Variants in JMY observed in about 807,000 individuals in gnomAD.
JMY encodes the protein junction-mediating and -regulatory protein.
A neutral mutation model predicts 103.3 loss-of-function variants in JMY; 46 were observed. That is an observed-to-expected ratio of 0.45 (90% CI 0.35 to 0.57). JMY has a LOEUF of 0.57. Among genes scored for constraint, JMY ranks in the 20% least tolerant of loss-of-function variants. The probability of loss-of-function intolerance (pLI) is 0.00; values close to 1 mark genes in which losing one functional copy is unlikely to be tolerated. For missense variants in JMY, 1,238 were observed against 1,255.2 expected (o/e 0.99, Z 0.21); for synonymous variants, 526 against 489.3 (o/e 1.07, Z -0.99).
chr5:79,241,062 A>G (rs1387525444), intron 1 of JMY, among the ~76,000 whole-genome samples: 1 of 152,006 alleles, frequency 6.6e-6, no homozygotes, highest in Non-Finnish European at 1.5e-5. Flanking sequence ...CTATGAATCT[A>G]TTTTTTGGTC....
At position 79,325,465 on chromosome 5, in the gene JMY, G is replaced by A. The variant is rs917207106; in HGVS notation, c.*3863G>A. ...AAACCTTAAGTTTTACCTAATTATT[G>A]CACTAAATGTAAATGATAACATAAA... On this transcript the variant is annotated 3_prime_UTR_variant, in exon 11 of 11. Coordinates refer to ENST00000396137, the MANE Select transcript of JMY (RefSeq NM_152405.5). The A allele has an allele frequency of 1.3e-5, 2 of 152,074 alleles. No homozygotes were observed. The highest frequency in any genetic ancestry group is 2.9e-5 in the Non-Finnish European group (2 of 67,992). The allele number at this position is 152,074 out of a possible 1,614,324, so 9.4% of individuals were successfully genotyped here.
intron 1 of JMY, among the ~76,000 whole-genome samples, chr5:79,245,815 G>A (rs958452798): frequency 6.6e-6 from 1 of 152,112 alleles, no homozygotes; most frequent in Admixed American, 6.5e-5. Flanking sequence ...TAATAGAGAC[G>A]GGTTTTCACT....
chr5:79,309,546 G>C (rs1746984552), intron 7 of JMY, among the ~76,000 whole-genome samples: 1 of 152,048 alleles, frequency 6.6e-6, no homozygotes. Flanking sequence ...ATGCCAACAT[G>C]ACCATATCTC....
rs765777711 is a variant in JMY, at chr5:79,300,192, T to C, written c.1567T>C (p.Leu523=). ...LRGGTEAIAR[L]DQLEADYYDL... ...GGGTGGTACAGAAGCGATAGCACGA[T>C]TGGATCAGTTAGAAGCTGATTATTA... Residue 523 remains leucine (L), a synonymous_variant, in exon 5 of 11, where the codon TTG becomes CTG. Transcript: ENST00000396137. The C allele has an allele frequency of 3.7e-6, 6 of 1,613,284 alleles. No homozygotes were observed. In the East Asian group the frequency reaches 6.7e-5, roughly 18 times the overall value.
chr5:79,262,072 G>A (rs1745440862), intron 1 of JMY, among the ~76,000 whole-genome samples: 1 of 152,208 alleles, frequency 6.6e-6, no homozygotes, highest in South Asian at 2.1e-4. Context: ...GAATCCTGCT[G>A]TGGCCGTTTT....
intron 10 of JMY, among the ~76,000 whole-genome samples, chr5:79,318,578 C>G (rs891887236): frequency 8.5e-5 from 13 of 152,068 alleles, no homozygotes; most frequent in Non-Finnish European, 1.0e-4. Flanking sequence ...ATATTACATT[C>G]ACCATGATTC....
At chr5:79,321,265 T>C (rs186140948) in intron 10 of JMY, among the ~76,000 whole-genome samples, 2 of 152,340 alleles carry the variant, frequency 1.3e-5, no homozygotes, top group Admixed American at 1.3e-4. Context: ...TAAATGTTAG[T>C]CTAACAAAAA....
intron 1 of JMY, among the ~76,000 whole-genome samples, chr5:79,251,787 A>G (rs1476377329): frequency 6.7e-6 from 1 of 149,278 alleles, no homozygotes; most frequent in South Asian, 2.1e-4. Flanking sequence ...TTATTTATTT[A>G]TTTTTTGAGA....
chr5:79,282,468 AAGTT>A (rs985973513), intron 2 of JMY, among the ~76,000 whole-genome samples: 165 of 152,326 alleles, frequency 1.1e-3, no homozygotes, highest in Middle Eastern at 3.4e-3. Flanking sequence ...TTTTTAAAAA[AAGTT>A]AAATGTGAAG....
rs1747542991 is a variant in JMY, at chr5:79,323,870, A to C, written c.*2268A>C. 6.6e-6 allele frequency: 1 copy of C among 152,142 alleles called. No individual in the cohort carries two copies. Among genetic ancestry groups the C allele is most frequent in the Non-Finnish European group, 1.5e-5 (1 of 68,032 alleles). The allele number at this position is 152,142 out of a possible 1,614,324, so 9.4% of individuals were successfully genotyped here. A position where few individuals can be genotyped will look rare whatever the true frequency, so the allele number is the denominator to read the frequency against. The stretch of plus-strand genomic sequence containing the variant: ...TGTAGAACTCCACTCAGCCTCATGG[A>C]TACATCTACAAGTCTCTCAACCCAT... On this transcript the variant is annotated 3_prime_UTR_variant, in exon 11 of 11. Transcript: ENST00000396137.
rs558859374 is a variant in JMY at position 79,268,775 on chromosome 5, A to G, written c.1033-9135A>G. ...AGTGCTGGGATTACAGGCGTGAGCC[A>G]CCGCGCCCGGTGAGCATCTTTTCAC... On this transcript the variant is annotated intron_variant, in intron 1 of 10. Transcript: ENST00000396137. Among the ~76,000 whole-genome samples, 8 of 152,286 alleles carry G rather than the reference A, an allele frequency of 5.3e-5. No homozygotes were observed. The South Asian group carries it at 1.4e-3, about 28-fold the overall frequency.
At chr5:79,239,285 T>C (rs999333633) in intron 1 of JMY, among the ~76,000 whole-genome samples, 3 of 152,170 alleles carry the variant, frequency 2.0e-5, no homozygotes, top group African/African-American at 7.2e-5. Context: ...ATCACCTCAC[T>C]TCGGGAGTCT....
intron 7 of JMY, among the ~76,000 whole-genome samples, chr5:79,309,873 C>G (rs1185044179): frequency 6.6e-6 from 1 of 152,068 alleles, no homozygotes; most frequent in Non-Finnish European, 1.5e-5. Context: ...TTTGTACTTG[C>G]ATTATCAGTT....
At chr5:79,293,444 G>A (rs1746480239) in intron 4 of JMY, among the ~76,000 whole-genome samples, 3 of 149,904 alleles carry the variant, frequency 2.0e-5, no homozygotes, top group Admixed American at 2.0e-4. Flanking sequence ...TTAAAATAGA[G>A]ACAGAGTCTT....
chr5:79,316,881 AGAGT>A (rs1747242426), intron 10 of JMY, among the ~76,000 whole-genome samples: 1 of 141,540 alleles, frequency 7.1e-6, no homozygotes, highest in South Asian at 2.3e-4. Context: ...CCTGGGCAAC[AGAGT>A]GAGACTCAGT....
At chr5:79,295,678 G>A (rs1310720804) in intron 4 of JMY, among the ~76,000 whole-genome samples, 1 of 152,196 alleles carries the variant, frequency 6.6e-6, no homozygotes, top group African/African-American at 2.4e-5. Context: ...CATTTTGTAT[G>A]GGCCTTGCCA....
chr5:79,260,554 T>TG (rs1338781186), intron 1 of JMY, among the ~76,000 whole-genome samples: 1 of 148,376 alleles, frequency 6.7e-6, no homozygotes, highest in African/African-American at 2.5e-5. Flanking sequence ...CTGATTTTTG[T>TG]GGGTTTTTTT....
rs1322896731 is a variant in JMY at position 79,306,417 on chromosome 5, A to G, written c.1924A>G (p.Thr642Ala). 1.2e-6 allele frequency: 2 copies of G among 1,613,338 alleles called. No homozygotes were observed. The highest frequency in any genetic ancestry group is 1.7e-5 in the Admixed American group (1 of 59,982). Residue 642 changes from threonine to alanine, a missense_variant, in exon 7 of 11, where the codon ACT (threonine) becomes GCT (alanine). By Grantham distance (58) the Thr-to-Ala change is moderately conservative (BLOSUM62 0). Coordinates refer to ENST00000396137, the MANE Select transcript of JMY (RefSeq NM_152405.5). The part of the protein sequence containing the change: ...AKHNEKIQQR[T>A]RIEDEYRTHH... ...ACACAATGAAAAAATCCAACAGCGCACTCGGATTGAAGATGAATATAGAAC... is the reference window on the plus strand; with the variant it reads ...ACACAATGAAAAAATCCAACAGCGCGCTCGGATTGAAGATGAATATAGAAC...
chr5:79,317,894 G>T (rs1036483496), intron 10 of JMY, among the ~76,000 whole-genome samples: 1 of 152,012 alleles, frequency 6.6e-6, no homozygotes, highest in South Asian at 2.1e-4. Flanking sequence ...TGGTTGCCCC[G>T]ATTAGCATAA....
Sources: allele counts gnomAD v4.1 joint callset (sites outside exome capture counted in the v4.1 genomes callset), GRCh38; gene constraint gnomAD v4.1.1; transcripts MANE v1.5; gene names NCBI Gene and HGNC (gene_info 2026-07-23, HGNC 2026-07-21).